Variants in MBD5 observed in about 807,000 individuals in gnomAD.
MBD5 encodes the protein methyl-CpG-binding domain protein 5.
MBD5 carries 13 observed loss-of-function variants against 117.3 expected under a neutral mutation model. The ratio of observed to expected loss-of-function variants is 0.11; its 90% CI spans 0.07 to 0.18. MBD5 has a LOEUF of 0.18. Among genes scored for constraint, MBD5 ranks in the 10% least tolerant of loss-of-function variants. MBD5 has a pLI of 1.00. For synonymous variants in MBD5, 727 were observed against 766.4 expected, an observed-to-expected ratio of 0.95 and a Z score of 0.85; for missense variants, 1,879 against 2,093.8, an observed-to-expected ratio of 0.90 and a Z score of 2.00.
chr2:148,081,963 C>A (rs1260800277), intron 1 of MBD5, among the ~76,000 whole-genome samples: 2 of 152,116 alleles, frequency 1.3e-5, no homozygotes, highest in African/African-American at 4.8e-5. Flanking sequence ...TTATTATTTC[C>A]TTTTATTCAC....
At position 148,079,586 on chromosome 2, in the gene MBD5, C is replaced by T. The variant is rs533980588; in HGVS notation, c.-925+57902C>T. Among the ~76,000 whole-genome samples, 5 of 151,400 alleles carry T rather than the reference C, an allele frequency of 3.3e-5. No homozygotes were observed. In the South Asian group the frequency reaches 8.4e-4, roughly 25 times the overall value. ...CTTAAAACTTGCTTTTGGCCTAGTGCGGTGGCTCACATCTGTAATCCCAGC... is the reference window on the plus strand; with the variant it reads ...CTTAAAACTTGCTTTTGGCCTAGTGTGGTGGCTCACATCTGTAATCCCAGC... On this transcript the variant is annotated intron_variant, in intron 1 of 13. Coordinates refer to ENST00000642680, the MANE Select transcript of MBD5 (RefSeq NM_001378120.1).
At chr2:148,094,949 G>A (rs1022278774) in intron 1 of MBD5, among the ~76,000 whole-genome samples, 6 of 152,272 alleles carry the variant, frequency 3.9e-5, no homozygotes, top group Admixed American at 1.3e-4. Flanking sequence ...TTCAAAGCTA[G>A]TGTTTTTTCT....
At chr2:148,134,875 A>C (rs188535335) in intron 1 of MBD5, among the ~76,000 whole-genome samples, 2 of 152,102 alleles carry the variant, frequency 1.3e-5, no homozygotes, top group South Asian at 4.2e-4. Flanking sequence ...TGAGATTTCT[A>C]TTCTGATTCA....
intron 4 of MBD5, among the ~76,000 whole-genome samples, chr2:148,367,494 A>G (rs1703735696): frequency 6.6e-6 from 1 of 152,218 alleles, no homozygotes; most frequent in African/African-American, 2.4e-5. Context: ...AATTAAACTA[A>G]AGAGCTTCTG....
intron 3 of MBD5, among the ~76,000 whole-genome samples, chr2:148,261,118 G>A (rs1475200941): frequency 6.6e-6 from 1 of 152,142 alleles, no homozygotes; most frequent in Non-Finnish European, 1.5e-5. Context: ...ATAGAGCACA[G>A]GCAGAGTAGA....
chr2:148,378,377 C>T (rs1489018678), intron 4 of MBD5, among the ~76,000 whole-genome samples: 2 of 152,050 alleles, frequency 1.3e-5, no homozygotes, highest in East Asian at 3.9e-4. Flanking sequence ...TAGGAGCCTG[C>T]CTTTCCAAAA....
At chr2:148,451,846 A>G (rs1261623194) in intron 4 of MBD5, among the ~76,000 whole-genome samples, 1 of 152,300 alleles carries the variant, frequency 6.6e-6, no homozygotes. Flanking sequence ...GTTTATAATC[A>G]TAATATTAAA....
intron 4 of MBD5, among the ~76,000 whole-genome samples, chr2:148,362,949 CAA>C (rs1703584710): frequency 6.6e-6 from 1 of 152,088 alleles, no homozygotes; most frequent in Non-Finnish European, 1.5e-5. Context: ...TCAACATCAA[CAA>C]AAAGGAAATC....
intron 1 of MBD5, among the ~76,000 whole-genome samples, chr2:148,165,552 T>G (rs1424901549): frequency 6.6e-6 from 1 of 152,024 alleles, no homozygotes; most frequent in Non-Finnish European, 1.5e-5. Flanking sequence ...AATGAACAGG[T>G]TTTTTATATA....
At chr2:148,367,146 C>G (rs562950190) in intron 4 of MBD5, among the ~76,000 whole-genome samples, 1 of 152,132 alleles carries the variant, frequency 6.6e-6, no homozygotes, top group Non-Finnish European at 1.5e-5. Context: ...ACCAATGGAA[C>G]AGAACAGAGG....
intron 4 of MBD5, chr2:148,346,297 G>A (rs1055934727): frequency 3.7e-4 from 57 of 152,004 alleles, no homozygotes; most frequent in African/African-American, 1.2e-3. Context: ...TTAAAATTAA[G>A]TTTAGACTTA....
intron 4 of MBD5, among the ~76,000 whole-genome samples, chr2:148,425,183 A>T (rs1027205664): frequency 4.0e-5 from 6 of 151,778 alleles, no homozygotes; most frequent in Admixed American, 1.3e-4. Context: ...TAGACACAAT[A>T]AAAAAAATGA....
At chr2:148,119,851 T>C (rs1696724235) in intron 1 of MBD5, among the ~76,000 whole-genome samples, 2 of 151,968 alleles carry the variant, frequency 1.3e-5, no homozygotes, top group South Asian at 4.2e-4. Flanking sequence ...CATTAATCTA[T>C]ATGTCTACCC....
At chr2:148,159,432 C>T (rs563419037) in intron 1 of MBD5, among the ~76,000 whole-genome samples, 2 of 152,170 alleles carry the variant, frequency 1.3e-5, no homozygotes, top group South Asian at 4.2e-4. Flanking sequence ...CCTCCAGCCT[C>T]AGCCTCATGC....
intron 4 of MBD5, among the ~76,000 whole-genome samples, chr2:148,363,909 T>A (rs1703619137): frequency 6.6e-6 from 1 of 152,060 alleles, no homozygotes; most frequent in African/African-American, 2.4e-5. Context: ...GGAACCAAGT[T>A]GGAAAACACT....
chr2:148,494,385 G>A (rs957028533), intron 11 of MBD5, among the ~76,000 whole-genome samples: 1 of 152,048 alleles, frequency 6.6e-6, no homozygotes, highest in Non-Finnish European at 1.5e-5. Flanking sequence ...TTTGTTGAGT[G>A]AACTTGAAAG....
intron 4 of MBD5, among the ~76,000 whole-genome samples, chr2:148,409,666 A>C (rs1330876878): frequency 1.3e-5 from 2 of 152,338 alleles, no homozygotes; most frequent in African/African-American, 4.8e-5. Context: ...TTAGTGTCTA[A>C]AAATGAAGAT....
intron 4 of MBD5, among the ~76,000 whole-genome samples, chr2:148,350,453 A>T (rs1703223397): frequency 6.6e-6 from 1 of 152,062 alleles, no homozygotes; most frequent in African/African-American, 2.4e-5. Context: ...ATGCAACTGG[A>T]TATCTAGTCA....
At chr2:148,508,880 G>A (rs1483869095) in intron 12 of MBD5, among the ~76,000 whole-genome samples, 1 of 152,136 alleles carries the variant, frequency 6.6e-6, no homozygotes, top group African/African-American at 2.4e-5. Context: ...ACTCAGGGGT[G>A]GAAAACTCGG....
Sources: allele counts gnomAD v4.1 joint callset (sites outside exome capture counted in the v4.1 genomes callset), GRCh38; gene constraint gnomAD v4.1.1; transcripts MANE v1.5; gene names NCBI Gene and HGNC (gene_info 2026-07-23, HGNC 2026-07-21).